Variants in PPA2 observed in about 807,000 individuals in gnomAD.
PPA2 encodes inorganic pyrophosphatase 2, also known as inorganic pyrophosphatase 2, mitochondrial.
A neutral mutation model predicts 49.5 loss-of-function variants in PPA2; 48 were observed. That is an observed-to-expected ratio of 0.97 (90% CI 0.77 to 1.23). PPA2 has a LOEUF of 1.23. PPA2 is among the 50% of genes most tolerant of loss of function. The probability of loss-of-function intolerance (pLI) is 0.00; values close to 1 mark genes in which losing one functional copy is unlikely to be tolerated. For missense variants in PPA2, 429 were observed against 410.1 expected, an observed-to-expected ratio of 1.05 and a Z score of -0.40; for synonymous variants, 131 against 139.9, an observed-to-expected ratio of 0.94 and a Z score of 0.45.
At chr4:105,376,672 C>A (rs1382379385) in intron 10 of PPA2, among the ~76,000 whole-genome samples, 1 of 152,204 alleles carries the variant, frequency 6.6e-6, no homozygotes, top group East Asian at 1.9e-4. Flanking sequence ...TGGCATGGGT[C>A]TGGTTCCCTA....
At position 105,461,643 on chromosome 4, in the gene PPA2, C is replaced by A. The variant is rs190858442; in HGVS notation, c.158-4898G>T. ...CAAGGTTTCTCTAGGGTTCCCTTGG[C>A]CAAAAGGAGACCCATTCAGTCAACT... is the stretch of plus-strand genomic sequence containing the variant. On this transcript the variant is annotated intron_variant, in intron 1 of 11. Transcript: ENST00000341695. Among the ~76,000 whole-genome samples the A allele has an allele frequency of 1.7e-3, 266 of 152,256 alleles. 2 individuals carry two copies. Among genetic ancestry groups the A allele is most frequent in the Non-Finnish European group, 2.7e-3 (187 of 68,022 alleles).
intron 7 of PPA2, among the ~76,000 whole-genome samples, chr4:105,422,053 C>T (rs1010319127): frequency 3.3e-5 from 5 of 151,954 alleles, no homozygotes; most frequent in African/African-American, 1.2e-4. Flanking sequence ...AAAAAAACTA[C>T]CAAACTTATT....
intron 9 of PPA2, among the ~76,000 whole-genome samples, chr4:105,389,286 G>T (rs1331590516): frequency 6.6e-6 from 1 of 151,680 alleles, no homozygotes; most frequent in Non-Finnish European, 1.5e-5. Context: ...TCTTCTAGAC[G>T]CTGGAGACAC....
intron 6 of PPA2, among the ~76,000 whole-genome samples, chr4:105,426,226 C>T (rs1451574321): frequency 2.0e-5 from 3 of 151,990 alleles, no homozygotes; most frequent in Non-Finnish European, 2.9e-5. Flanking sequence ...CCAAGATGGC[C>T]GAATAGGAAC....
At chr4:105,438,598 A>G (rs1724184858) in intron 5 of PPA2, among the ~76,000 whole-genome samples, 1 of 152,220 alleles carries the variant, frequency 6.6e-6, no homozygotes, top group Admixed American at 6.5e-5. Context: ...AAAACATGAA[A>G]AGACATCAAT....
At position 105,378,690 on chromosome 4, in the gene PPA2, T is replaced by C. The variant is rs139430907; in HGVS notation, c.940-7817A>G. 5.0e-3 allele frequency among the ~76,000 whole-genome samples: 761 copies of C among 152,242 alleles called. 7 individuals carry two copies. Among genetic ancestry groups the C allele is most frequent in the African/African-American group, 0.016 (669 of 41,568 alleles). On this transcript the variant is annotated intron_variant, in intron 10 of 11. Coordinates refer to ENST00000341695, the MANE Select transcript of PPA2 (RefSeq NM_176869.3). ...AAAGTCAAAATAGGTTTAAGTTTTG[T>C]GCCTTAAATTTAGGTCTAGGATCCA...
At position 105,446,386 on chromosome 4, in the gene PPA2, AG is replaced by A; in HGVS notation, c.437del (p.Pro146LeufsTer28). 1 of 1,554,214 alleles carries A rather than the reference AG, an allele frequency of 6.4e-7. No homozygotes were observed. The highest frequency in any genetic ancestry group is 8.7e-7 in the Non-Finnish European group (1 of 1,150,316). The stretch of plus-strand genomic sequence containing the variant: ...ACCATTGTAACAAAAATGTTACCTG[AG>A]GGAGGGTACCATAATTCCATATATA... ...KGYIWNYGTL[P>X]QTWEDPHEKD... On this transcript the variant is annotated frameshift_variant, in exon 5 of 12. Coordinates refer to ENST00000341695, the MANE Select transcript of PPA2 (RefSeq NM_176869.3). LOFTEE classifies it high-confidence loss of function.
chr4:105,448,290 A>G (rs1722501048), intron 4 of PPA2, among the ~76,000 whole-genome samples: 1 of 152,206 alleles, frequency 6.6e-6, no homozygotes, highest in Admixed American at 6.5e-5. Flanking sequence ...TTAACAAAAA[A>G]TACTGCCAGG....
intron 7 of PPA2, among the ~76,000 whole-genome samples, chr4:105,416,562 T>A (rs949992818): frequency 6.6e-6 from 1 of 152,208 alleles, no homozygotes; most frequent in Non-Finnish European, 1.5e-5. Context: ...CTAAAGAAAC[T>A]CTGTGGGAAG....
intron 4 of PPA2, among the ~76,000 whole-genome samples, chr4:105,448,896 G>C (rs1363507656): frequency 6.6e-6 from 1 of 151,948 alleles, no homozygotes; most frequent in Non-Finnish European, 1.5e-5. Flanking sequence ...TATATACTTA[G>C]CTTTGAGTAT....
rs59144523 is a variant in PPA2 at position 105,425,723 on chromosome 4, TACACAC to T, written c.529-1407_529-1402del. On this transcript the variant is annotated intron_variant, in intron 6 of 11. Coordinates refer to ENST00000341695, the MANE Select transcript of PPA2 (RefSeq NM_176869.3). The stretch of plus-strand genomic sequence containing the variant: ...CAGATTGAGAAAGGACACATGCACA[TACACAC>T]ACACACACACACACACACACACACA... Among the ~76,000 whole-genome samples the T allele has an allele frequency of 7.3e-3, 891 of 122,522 alleles. 5 individuals carry two copies. Among genetic ancestry groups the T allele is most frequent in the African/African-American group, 0.021 (657 of 31,970 alleles). 80.4% of individuals were successfully genotyped at this position (122,522 alleles called of 152,430 possible). A position where few individuals can be genotyped will look rare whatever the true frequency, so the allele number is the denominator to read the frequency against.
intron 3 of PPA2, among the ~76,000 whole-genome samples, chr4:105,450,700 C>T (rs867526185): frequency 3.4e-5 from 5 of 147,852 alleles, no homozygotes; most frequent in South Asian, 4.3e-4. Flanking sequence ...ATCCGCCTCC[C>T]GGGTTCACGC....
chr4:105,378,735 G>C (rs1286056427), intron 10 of PPA2, among the ~76,000 whole-genome samples: 8 of 151,972 alleles, frequency 5.3e-5, no homozygotes, highest in Non-Finnish European at 1.2e-4. Flanking sequence ...ATTACATACA[G>C]TGCAAAACTG....
chr4:105,429,213 G>A (rs183780237), intron 6 of PPA2, among the ~76,000 whole-genome samples: 107 of 152,266 alleles, frequency 7.0e-4, no homozygotes, highest in Admixed American at 6.9e-3. Flanking sequence ...AGGCAAGTTT[G>A]GCTAGAAGTG....
Position 105,424,219 on chromosome 4 carries a change from T to A in PPA2, c.632A>T (p.Asp211Val), listed in dbSNP as rs1307924971. Residue 211 changes from aspartate to valine, a missense_variant, in exon 7 of 12, where the codon GAT becomes GTT. Coordinates refer to ENST00000341695, the MANE Select transcript of PPA2 (RefSeq NM_176869.3). The stretch of plus-strand genomic sequence containing the variant: ...ACCATGAAACTTTGAGGCTTCAGGA[T>A]CATTCGCATTGATAGCAATTAATTT... The part of the protein sequence containing the change: ...DWKLIAINAN[D>V]PEASKFHDID... 6.2e-7 allele frequency: 1 copy of A among 1,607,208 alleles called. No individual in the cohort carries two copies. The highest frequency in any genetic ancestry group is 8.5e-7 in the Non-Finnish European group (1 of 1,178,506).
intron 1 of PPA2, among the ~76,000 whole-genome samples, chr4:105,460,858 C>CATATATATATATATATAT (rs746079683): frequency 9.7e-5 from 14 of 145,032 alleles, no homozygotes; most frequent in African/African-American, 3.8e-4. Flanking sequence ...TGTAAGATCA[C>CATATATATATATATATAT]ATATATATAT....
intron 9 of PPA2, among the ~76,000 whole-genome samples, chr4:105,394,350 G>A (rs1734044996): frequency 8.1e-6 from 1 of 123,402 alleles, no homozygotes; most frequent in East Asian, 2.8e-4. Context: ...CTCCAACTTG[G>A]GCAATAGAGC....
chr4:105,465,205 G>A lies in PPA2; in HGVS notation c.158-8460C>T, dbSNP rs189619372. Among the ~76,000 whole-genome samples the A allele has an allele frequency of 8.3e-4, 127 of 152,266 alleles. 1 individual carries two copies. Among genetic ancestry groups the A allele is most frequent in the South Asian group, 4.1e-3 (20 of 4,822 alleles). On this transcript the variant is annotated intron_variant, in intron 1 of 11. Transcript: ENST00000341695. ...TCTTACACTCAGGTGTGTGAGAAGC[G>A]TTGTCTATGTGTTTATTTTTGGTGA...
At chr4:105,467,579 G>A (rs1325271958) in intron 1 of PPA2, among the ~76,000 whole-genome samples, 5 of 152,208 alleles carry the variant, frequency 3.3e-5, no homozygotes, top group Non-Finnish European at 5.9e-5. Context: ...AAGGATGAAG[G>A]TGATTGCTGT....
Sources: allele counts gnomAD v4.1 joint callset (sites outside exome capture counted in the v4.1 genomes callset), GRCh38; gene constraint gnomAD v4.1.1; transcripts MANE v1.5; gene names NCBI Gene and HGNC (gene_info 2026-07-23, HGNC 2026-07-21).